MLXIPL: variants seen among roughly 807,000 people sequenced by gnomAD.
MLXIPL encodes the protein carbohydrate-responsive element-binding protein.
Under a neutral mutation model 81.5 loss-of-function variants are expected in MLXIPL, and 49 were observed. The ratio of observed to expected loss-of-function variants is 0.60; its 90% CI spans 0.48 to 0.76. MLXIPL has a LOEUF of 0.76. Among genes scored for constraint, MLXIPL ranks in the 30% least tolerant of loss-of-function variants. The pLI, the probability that MLXIPL is intolerant of heterozygous loss-of-function variation, is 0.00. For missense variants in MLXIPL, 1,053 were observed against 1,167.0 expected, an observed-to-expected ratio of 0.90 and a Z score of 1.42; for synonymous variants, 466 against 485.5, an observed-to-expected ratio of 0.96 and a Z score of 0.53.
chr7:73,637,410 GT>G, the MLXIPL span, among the ~76,000 whole-genome samples: 1 of 151,734 alleles, frequency 6.6e-6, no homozygotes, highest in South Asian at 2.1e-4. Context: ...GGAAGGTGGA[GT>G]TTGCAGTGAG....
At chr7:73,643,924 C>T in the MLXIPL span, among the ~76,000 whole-genome samples, 1 of 151,790 alleles carries the variant, frequency 6.6e-6, no homozygotes, top group Non-Finnish European at 1.5e-5. Flanking sequence ...GCATCACCAC[C>T]CCTGGCTAAT....
In MLXIPL at chr7:73,616,097, G is replaced by A; in HGVS notation, c.374C>T (p.Ala125Val). Reference protein sequence around the residue: ...LCRDKIRLNNAIWRAWYIQYV... With the variant: ...LCRDKIRLNNVIWRAWYIQYV... ...CTGGATATACCAGGCCCTCCAGATG[G>A]CGTTGTTCAGGCGGATCTTGTCTCT... Residue 125 changes from alanine (A) to valine (V), a missense_variant, in exon 2 of 17, where the codon GCC (alanine) becomes GTC (valine). Physicochemically the swap from Ala to Val is moderately conservative, Grantham distance 64. Transcript: ENST00000313375. The A allele has an allele frequency of 6.2e-7, 1 of 1,614,012 alleles. No individual in the cohort carries two copies. The highest frequency in any genetic ancestry group is 8.5e-7 in the Non-Finnish European group (1 of 1,179,990).
In MLXIPL at chr7:73,593,865, C is replaced by G; in HGVS notation, c.2559G>C (p.Ter853TyrextTer77). ...AGTGAGCAGCAGGGTCTGGCCAGGA[C>G]TATAAAGGTTTGCCAAGGGTGCCCT... ...VTEGTLGKPL[*>Y] Residue 853 changes from the stop codon to tyrosine (Y), a stop_lost, in exon 17 of 17, where the codon TAG becomes TAC. Coordinates refer to ENST00000313375, the MANE Select transcript of MLXIPL (RefSeq NM_032951.3). 3 of 1,613,198 alleles carry G rather than the reference C, an allele frequency of 1.9e-6. No homozygotes were observed. The highest frequency in any genetic ancestry group is 2.5e-6 in the Non-Finnish European group (3 of 1,179,210).
chr7:73,620,885 T>C (rs1221314347), intron 1 of MLXIPL, among the ~76,000 whole-genome samples: 1 of 151,866 alleles, frequency 6.6e-6, no homozygotes, highest in Non-Finnish European at 1.5e-5. Context: ...ACCTCGTCTC[T>C]ACTGAAAATT....
At chr7:73,640,402 C>CAAAAA in the MLXIPL span, among the ~76,000 whole-genome samples, 1 of 82,256 alleles carries the variant, frequency 1.2e-5, no homozygotes, top group Non-Finnish European at 2.6e-5. Context: ...ACCCTGTCTC[C>CAAAAA]AAAAAAAAAA....
At chr7:73,620,131 C>T (rs906801828) in intron 1 of MLXIPL, among the ~76,000 whole-genome samples, 7 of 151,522 alleles carry the variant, frequency 4.6e-5, no homozygotes, top group African/African-American at 1.5e-4. Flanking sequence ...GGGCCAGGCG[C>T]GGTGGCTCAC....
intron 1 of MLXIPL, among the ~76,000 whole-genome samples, chr7:73,616,820 C>T (rs1437044456): frequency 4.7e-5 from 7 of 147,872 alleles, no homozygotes; most frequent in Admixed American, 2.1e-4. Flanking sequence ...TGTACTCCAG[C>T]CTGGGCAACA....
chr7:73,631,815 C>G, the MLXIPL span, among the ~76,000 whole-genome samples: 1 of 146,036 alleles, frequency 6.8e-6, no homozygotes, highest in Non-Finnish European at 1.5e-5. Flanking sequence ...CCCTTCTCCT[C>G]TCTTCTCTCC....
At position 73,596,082 on chromosome 7, in the gene MLXIPL, A is replaced by G. The variant is rs1340130543; in HGVS notation, c.2058+71T>C. ...TGTCTGGAGCACTCCCCTGCAATTG[A>G]GTTTTGGGTGGGGGGGGTCCAGAAA... On this transcript the variant is annotated intron_variant, in intron 13 of 16. Coordinates refer to ENST00000313375, the MANE Select transcript of MLXIPL (RefSeq NM_032951.3). The surrounding 1 kb of genome is among the most constrained non-coding windows in gnomAD (Gnocchi z 4.7). 35 of 1,596,394 alleles carry G rather than the reference A, an allele frequency of 2.2e-5. No individual in the cohort carries two copies. The East Asian group carries it at 7.0e-4, about 32-fold the overall frequency.
At chr7:73,644,587 A>G in the MLXIPL span, among the ~76,000 whole-genome samples, 1 of 152,162 alleles carries the variant, frequency 6.6e-6, no homozygotes, top group Admixed American at 6.6e-5. Context: ...GAAATATGTA[A>G]GTGAGAGCCA....
intron 7 of MLXIPL, among the ~76,000 whole-genome samples, chr7:73,601,071 C>A (rs1584092749): frequency 1.3e-5 from 2 of 151,868 alleles, no homozygotes; most frequent in Non-Finnish European, 2.9e-5. Context: ...CTCCCACCCC[C>A]CTGCCAGGAG....
intron 3 of MLXIPL, 43 bp from the exon 4 acceptor site, chr7:73,607,463 C>T (rs782469477): frequency 2.0e-6 from 3 of 1,510,740 alleles, no homozygotes; most frequent in South Asian, 2.4e-5. Context: ...GAGAGGGGAG[C>T]ACCGCACACC....
chr7:73,607,239 AG>A, intron 4 of MLXIPL, 91 bp downstream of exon 4: 1 of 1,381,082 alleles, frequency 7.2e-7, no homozygotes, highest in Non-Finnish European at 1.0e-6. Context: ...CTCGGGGGTC[AG>A]GATCCCCTTT....
At chr7:73,632,136 C>T in the MLXIPL span, among the ~76,000 whole-genome samples, 1 of 151,164 alleles carries the variant, frequency 6.6e-6, no homozygotes, top group South Asian at 2.1e-4. Context: ...GGGACCACCA[C>T]ACTCAGCTAA....
At chr7:73,605,585 G>A (rs1442269537) in intron 7 of MLXIPL, 103 bp downstream of exon 7, 6 of 996,842 alleles carry the variant, frequency 6.0e-6, no homozygotes, top group East Asian at 2.5e-5. Context: ...AAAAAGAAAC[G>A]ACCCAGACTA....
At position 73,593,934 on chromosome 7, in the gene MLXIPL, G is replaced by C; in HGVS notation, c.2490C>G (p.Thr830=). 6.2e-7 allele frequency: 1 copy of C among 1,614,106 alleles called. No individual in the cohort carries two copies. The highest frequency in any genetic ancestry group is 2.2e-5 in the East Asian group (1 of 44,880). ...RQLGTSTSIL[T]DPGRIPEQAT... ...CTTGCTCAGGGATGCGGCCCGGGTC[G>C]GTCAGGATACTGGTAGATGTGCCCA... Residue 830 remains threonine (T), a synonymous_variant, in exon 17 of 17, where the codon ACC becomes ACG. Transcript: ENST00000313375.
the MLXIPL span, among the ~76,000 whole-genome samples, chr7:73,633,445 A>C: frequency 6.6e-6 from 1 of 151,016 alleles, no homozygotes; most frequent in Non-Finnish European, 1.5e-5. Flanking sequence ...CCTTGGGCTC[A>C]AGCAGTCCTC....
At chr7:73,629,975 T>A in the MLXIPL span, among the ~76,000 whole-genome samples, 52 of 2,426 alleles carry the variant, frequency 0.021, no homozygotes, top group Middle Eastern at 0.1. Flanking sequence ...TTTTATTATT[T>A]TTATTTATTT....
chr7:73,631,011 CTT>C, the MLXIPL span, among the ~76,000 whole-genome samples: 262 of 144,130 alleles, frequency 1.8e-3, 3 homozygotes, highest in African/African-American at 6.0e-3. Context: ...CTAGGGAATA[CTT>C]TTTTTTTTTT....
Sources: allele counts gnomAD v4.1 joint callset (sites outside exome capture counted in the v4.1 genomes callset), GRCh38; gene constraint gnomAD v4.1.1; non-coding constraint Gnocchi (gnomAD v3.1); transcripts MANE v1.5; gene names NCBI Gene and HGNC (gene_info 2026-07-23, HGNC 2026-07-21).